The following ACSS3 variants were observed in gnomAD, a reference collection of about 807,000 sequenced individuals.
ACSS3 encodes acyl-CoA synthetase short-chain family member 3, mitochondrial.
In ACSS3, 64 loss-of-function variants were observed where a neutral mutation model predicts 84.2. The ratio of observed to expected loss-of-function variants is 0.76; its 90% CI spans 0.62 to 0.94. The LOEUF (loss-of-function observed/expected upper bound fraction) is 0.94, where lower values mean the gene tolerates loss of function less well. Among genes scored for constraint, ACSS3 ranks in the 40% least tolerant of loss-of-function variants. ACSS3 has a pLI of 0.00. For synonymous variants in ACSS3, 317 were observed against 310.1 expected (o/e 1.02, Z -0.23); for missense variants, 815 against 867.6 (o/e 0.94, Z 0.76).
At chr12:81,171,146 T>A (rs2030011061) in intron 7 of ACSS3, among the ~76,000 whole-genome samples, 1 of 152,150 alleles carries the variant, frequency 6.6e-6, no homozygotes, top group Non-Finnish European at 1.5e-5. Context: ...AAGCAGGACC[T>A]TATCCGGCTT....
rs1481526118 is a variant in ACSS3, at chr12:81,139,212, A to G, written c.727A>G (p.Lys243Glu). ...EYVPLVEEAL[K>E]IGQHKPDKIL... ...CGTACCACTTGTAGAAGAAGCGCTA[A>G]AAATAGGACAACACAAACCAGACAA... The change falls in exon 4 of 16, where the codon AAA (lysine) becomes GAA (glutamate). Residue 243 changes from lysine (K) to glutamate (E), a missense_variant. Lys to Glu is a moderately conservative substitution (Grantham distance 56). Coordinates refer to ENST00000548058, the MANE Select transcript of ACSS3 (RefSeq NM_024560.4). The G allele has an allele frequency of 2.5e-6, 4 of 1,614,060 alleles. No homozygotes were observed. The Admixed American group carries it at 5.0e-5, about 20-fold the overall frequency.
intron 13 of ACSS3, among the ~76,000 whole-genome samples, chr12:81,250,954 C>T (rs1317060007): frequency 6.6e-6 from 1 of 152,108 alleles, no homozygotes; most frequent in Non-Finnish European, 1.5e-5. Flanking sequence ...TCTGATCTCA[C>T]CACATCTTTT....
intron 1 of ACSS3, among the ~76,000 whole-genome samples, chr12:81,092,396 T>A (rs905312084): frequency 1.3e-5 from 2 of 152,136 alleles, no homozygotes; most frequent in Non-Finnish European, 2.9e-5. Context: ...ACAAGTGATA[T>A]GGATTATCTA....
At chr12:81,091,880 C>T (rs1010322813) in intron 1 of ACSS3, among the ~76,000 whole-genome samples, 2 of 151,990 alleles carry the variant, frequency 1.3e-5, no homozygotes, top group African/African-American at 4.8e-5. Context: ...TTAAAAGCAT[C>T]CTGAGTTCTC....
chr12:81,251,107 C>A (rs553604742), intron 13 of ACSS3, among the ~76,000 whole-genome samples: 39 of 152,248 alleles, frequency 2.6e-4, no homozygotes, highest in African/African-American at 9.4e-4. Flanking sequence ...AGAATCCACT[C>A]TGAAGTGAAA....
chr12:81,080,039 A>G (rs1233794799), intron 1 of ACSS3, among the ~76,000 whole-genome samples: 3 of 152,232 alleles, frequency 2.0e-5, no homozygotes, highest in African/African-American at 4.8e-5. Flanking sequence ...CTGTGTACAA[A>G]TATCTGTCAT....
At chr12:81,224,573 CATGTGT>C (rs113823607) in intron 11 of ACSS3, among the ~76,000 whole-genome samples, 1,959 of 135,288 alleles carry the variant, frequency 0.014, 21 homozygotes, top group African/African-American at 0.029. Context: ...CACACACACA[CATGTGT>C]GTGTGTGTGT....
At chr12:81,101,847 T>C (rs10862240) in intron 1 of ACSS3, among the ~76,000 whole-genome samples, 1 of 151,810 alleles carries the variant, frequency 6.6e-6, no homozygotes, top group African/African-American at 2.4e-5. Flanking sequence ...TTTTTTTTTA[T>C]ACTTACTGGT....
chr12:81,139,019 A>G, intron 3 of ACSS3, 112 bp from the exon 4 acceptor site: 1 of 1,150,938 alleles, frequency 8.7e-7, no homozygotes, highest in Non-Finnish European at 1.2e-6. Flanking sequence ...GAAAACAGAA[A>G]CATTCAGACA....
chr12:81,175,520 C>T (rs1486017210), intron 8 of ACSS3, among the ~76,000 whole-genome samples: 2 of 152,122 alleles, frequency 1.3e-5, no homozygotes, highest in Non-Finnish European at 2.9e-5. Context: ...ACCTGACAGA[C>T]ATCCACAGAA....
chr12:81,107,442 C>T (rs1593053612), intron 1 of ACSS3, among the ~76,000 whole-genome samples: 1 of 131,220 alleles, frequency 7.6e-6, no homozygotes, highest in East Asian at 2.3e-4. Flanking sequence ...ATGATATTAT[C>T]AAGAAATATT....
rs190075797 is a variant in ACSS3, at chr12:81,162,860, C to T, written c.1098+10764C>T. Among the ~76,000 whole-genome samples the T allele has an allele frequency of 3.9e-5, 6 of 152,234 alleles. No homozygotes were observed. The East Asian group carries it at 9.7e-4, about 25-fold the overall frequency. On this transcript the variant is annotated intron_variant, in intron 7 of 15. Coordinates refer to ENST00000548058, the MANE Select transcript of ACSS3 (RefSeq NM_024560.4). ...GCAGTGCCCTGAGTGTGCACACACT[C>T]GGCTGTGTTGTGACATCACCTGGAC...
chr12:81,151,803 A>T (rs1186483574), intron 5 of ACSS3, 41 bp from the exon 6 acceptor site: 2 of 1,563,862 alleles, frequency 1.3e-6, no homozygotes, highest in Non-Finnish European at 1.8e-6. Flanking sequence ...GTGTTTTTAC[A>T]CATTGTTTAT....
chr12:81,250,932 A>T (rs1156663002), intron 13 of ACSS3, among the ~76,000 whole-genome samples: 2 of 152,170 alleles, frequency 1.3e-5, no homozygotes, highest in Admixed American at 6.5e-5. Flanking sequence ...ATCTGGCAGT[A>T]AAAGTTGTCT....
chr12:81,145,585 G>C (rs1886302111), intron 5 of ACSS3, among the ~76,000 whole-genome samples: 1 of 152,110 alleles, frequency 6.6e-6, no homozygotes, highest in Non-Finnish European at 1.5e-5. Context: ...AATTAGTTTG[G>C]GACTTTACAT....
At chr12:81,100,437 T>C (rs1404332953) in intron 1 of ACSS3, among the ~76,000 whole-genome samples, 2 of 152,164 alleles carry the variant, frequency 1.3e-5, no homozygotes, top group Non-Finnish European at 2.9e-5. Flanking sequence ...CTTTGACTTC[T>C]TTACAAGGAC....
intron 9 of ACSS3, among the ~76,000 whole-genome samples, chr12:81,207,327 T>C (rs1565720455): frequency 6.6e-6 from 1 of 152,156 alleles, no homozygotes; most frequent in Non-Finnish European, 1.5e-5. Context: ...TCTTTTGCTG[T>C]GAATTTTAAT....
intron 13 of ACSS3, among the ~76,000 whole-genome samples, chr12:81,241,888 G>A (rs987725410): frequency 2.0e-5 from 3 of 152,108 alleles, no homozygotes; most frequent in African/African-American, 7.2e-5. Context: ...TACTTTTGGT[G>A]TTTTAGACAT....
intron 1 of ACSS3, among the ~76,000 whole-genome samples, chr12:81,101,482 T>C (rs1015532129): frequency 6.6e-6 from 1 of 152,112 alleles, no homozygotes; most frequent in Non-Finnish European, 1.5e-5. Context: ...TAAGCATTTT[T>C]CCATACTGCT....
Sources: allele counts gnomAD v4.1 joint callset (sites outside exome capture counted in the v4.1 genomes callset), GRCh38; gene constraint gnomAD v4.1.1; transcripts MANE v1.5; gene names NCBI Gene and HGNC (gene_info 2026-07-23, HGNC 2026-07-21).